HOXB4: variants seen among roughly 807,000 people sequenced by gnomAD.
HOXB4 encodes the protein homeobox protein Hox-B4.
A neutral mutation model predicts 20.0 loss-of-function variants in HOXB4; 13 were observed. The ratio of observed to expected loss-of-function variants is 0.65; its 90% CI spans 0.42 to 1.03. The LOEUF (loss-of-function observed/expected upper bound fraction) is 1.03, where lower values mean the gene tolerates loss of function less well. Among genes scored for constraint, HOXB4 ranks in the 50% least tolerant of loss-of-function variants. The pLI, the probability that HOXB4 is intolerant of heterozygous loss-of-function variation, is 0.00. For missense variants in HOXB4, 343 were observed against 357.1 expected (o/e 0.96, Z 0.32); for synonymous variants, 173 against 148.9 (o/e 1.16, Z -1.18).
At chr17:48,577,544 C>T (rs1346929946) in intron 1 of HOXB4, among the ~76,000 whole-genome samples, 1 of 152,180 alleles carries the variant, frequency 6.6e-6, no homozygotes, top group East Asian at 1.9e-4. Flanking sequence ...TCCTCCTTCT[C>T]CTCCTCCACC....
In HOXB4 at chr17:48,578,154, G is replaced by A. The variant is rs763612698; in HGVS notation, c.166C>T (p.Arg56Trp). ...SSFQPEAGFG[R>W]RAACTVQRYA... ...CGCTGCACGGTGCACGCCGCGCGCC[G>A]CCCGAAGCCCGCCTCCGGCTGGAAG... Residue 56 changes from arginine (R) to tryptophan (W), a missense_variant, in exon 1 of 2, where the codon CGG becomes TGG. Coordinates refer to ENST00000332503, the MANE Select transcript of HOXB4 (RefSeq NM_024015.5). The A allele has an allele frequency of 6.3e-7, 1 of 1,593,844 alleles. No homozygotes were observed. The highest frequency in any genetic ancestry group is 1.1e-5 in the South Asian group (1 of 89,472).
chr17:48,575,970 T>C lies in HOXB4; in HGVS notation c.*752A>G, dbSNP rs6504397. 144,284 of 152,222 alleles carry C rather than the reference T, an allele frequency of 0.95. 68,845 individuals carry two copies. Among genetic ancestry groups the C allele is most frequent in the East Asian group, 1 (5,159 of 5,160 alleles). The allele number at this position is 152,222 out of a possible 1,614,324, so 9.4% of individuals were successfully genotyped here. ...CTCTCTTTTTCCTTGGACTCAATTT[T>C]CCTGCTCACTCCTGAGTTGTCAAGG... On this transcript the variant is annotated 3_prime_UTR_variant, in exon 2 of 2. Transcript: ENST00000332503.
chr17:48,577,339 G>T lies in HOXB4; in HGVS notation c.458-319C>A, dbSNP rs2069799180. ...GGCCCCCAGAATGGGAGAATGAGGGGGTGGAAGAGGGAGGGGAGGTTTCCC... is the reference window on the plus strand; with the variant it reads ...GGCCCCCAGAATGGGAGAATGAGGGTGTGGAAGAGGGAGGGGAGGTTTCCC... On this transcript the variant is annotated intron_variant, in intron 1 of 1. Transcript: ENST00000332503. Among the ~76,000 whole-genome samples the T allele has an allele frequency of 2.0e-5, 3 of 152,156 alleles. No individual in the cohort carries two copies. In the South Asian group the frequency reaches 6.2e-4, roughly 32 times the overall value.
chr17:48,576,793 G>T lies in HOXB4; in HGVS notation c.685C>A (p.Arg229Ser). 1 of 1,614,202 alleles carries T rather than the reference G, an allele frequency of 6.2e-7. No homozygotes were observed. The highest frequency in any genetic ancestry group is 8.5e-7 in the Non-Finnish European group (1 of 1,180,022). ...KDHKLPNTKI[R>S]SGGAAGSAGG... Reference sequence around the variant, plus strand: ...GCTGAGCCTGCCGCACCACCCGAGCGGATCTTGGTGTTGGGCAACTTGTGG... The same window carrying T: ...GCTGAGCCTGCCGCACCACCCGAGCTGATCTTGGTGTTGGGCAACTTGTGG... Residue 229 changes from arginine to serine, a missense_variant, in exon 2 of 2, where the codon CGC (arginine) becomes AGC (serine). Coordinates refer to ENST00000332503, the MANE Select transcript of HOXB4 (RefSeq NM_024015.5).
chr17:48,577,849 G>C lies in HOXB4; in HGVS notation c.457+14C>G, dbSNP rs746115572. The C allele has an allele frequency of 6.4e-6, 9 of 1,400,142 alleles. No homozygotes were observed. The highest frequency in any genetic ancestry group is 1.9e-4 in the Middle Eastern group (1 of 5,324). The allele number at this position is 1,400,142 out of a possible 1,614,324, so 86.7% of individuals were successfully genotyped here. A position where few individuals can be genotyped will look rare whatever the true frequency, so the allele number is the denominator to read the frequency against. ...TCCAGGGGTGGGAGGGGGAAGGGGT[G>C]CCCACGCACTCACCCGTGCTCACGT... On this transcript the variant is annotated intron_variant, in intron 1 of 1. Transcript: ENST00000332503.
intron 1 of HOXB4, 110 bp downstream of exon 1, chr17:48,577,753 G>T: frequency 1.0e-6 from 1 of 977,104 alleles, no homozygotes; most frequent in Non-Finnish European, 1.3e-6. Flanking sequence ...CGAGTTTATA[G>T]CGGGGACAAT....
At chr17:48,577,543 T>TCCTCCTCCA (rs764853200) in intron 1 of HOXB4, among the ~76,000 whole-genome samples, 1 of 152,120 alleles carries the variant, frequency 6.6e-6, no homozygotes, top group African/African-American at 2.4e-5. Context: ...CTCCTCCTTC[T>TCCTCCTCCA]CCTCCTCCAC....
Position 48,576,650 on chromosome 17 carries a change from T to TCC in HOXB4, c.*70_*71dup. 4 of 567,758 alleles carry TCC rather than the reference T, an allele frequency of 7.0e-6. No homozygotes were observed. Among genetic ancestry groups the TCC allele is most frequent in the Non-Finnish European group, 7.8e-6 (3 of 383,206 alleles). 35.2% of individuals were successfully genotyped at this position (567,758 alleles called of 1,614,324 possible). A position where few individuals can be genotyped will look rare whatever the true frequency, so the allele number is the denominator to read the frequency against. ...GCCCAGGCCCCAGGGCCCCCTCCTG[T>TCC]CCCCCCACCCCATCCCCTGCACTCA... On this transcript the variant is annotated 3_prime_UTR_variant, in exon 2 of 2. Transcript: ENST00000332503.
In HOXB4 at chr17:48,578,257, C is replaced by T; in HGVS notation, c.63G>A (p.Glu21=). The change falls in exon 1 of 2, where the codon GAG becomes GAA. Residue 21 remains glutamate, a synonymous_variant. Transcript: ENST00000332503. ...NYVDPKFPPC[E]EYSQSDYLPS... is the part of the protein sequence containing the mutation. The stretch of plus-strand genomic sequence containing the variant: ...GTAGGTAATCGCTCTGTGAATATTC[C>T]TCGCATGGAGGGAACTTGGGGTCGA... The T allele has an allele frequency of 6.2e-7, 1 of 1,614,052 alleles. No individual in the cohort carries two copies. Among genetic ancestry groups the T allele is most frequent in the South Asian group, 1.1e-5 (1 of 91,080 alleles).
At position 48,578,214 on chromosome 17, in the gene HOXB4, C is replaced by T. The variant is rs1455131343; in HGVS notation, c.106G>A (p.Gly36Arg). 3.1e-6 allele frequency: 5 copies of T among 1,613,724 alleles called. No individual in the cohort carries two copies. Among genetic ancestry groups the T allele is most frequent in the Non-Finnish European group, 2.5e-6 (3 of 1,179,914 alleles). Residue 36 changes from glycine to arginine, a missense_variant, in exon 1 of 2, where the codon GGG becomes AGG. This residue lies in a region of HOXB4 where 241 missense variants were observed against 222.0 expected (regional missense o/e 1.09). Transcript: ENST00000332503. The part of the protein sequence containing the change: ...SDYLPSDHSP[G>R]YYAGGQRRES... ...CGCCTCTGGCCGCCGGCGTAGTACC[C>T]GGGCGAGTGGTCGCTGGGTAGGTAA...
Position 48,576,887 on chromosome 17 carries a change from G to T in HOXB4, c.591C>A (p.His197Gln). 2 of 1,614,242 alleles carry T rather than the reference G, an allele frequency of 1.2e-6. No homozygotes were observed. Among genetic ancestry groups the T allele is most frequent in the Non-Finnish European group, 8.5e-7 (1 of 1,180,046 alleles). Reference protein sequence around the residue: ...LTRRRRVEIAHALCLSERQIK... With the variant: ...LTRRRRVEIAQALCLSERQIK... ...TCTGGCGCTCGGAGAGGCAGAGCGCGTGGGCGATCTCCACCCTCCGGCGCC... is the reference window on the plus strand; with the variant it reads ...TCTGGCGCTCGGAGAGGCAGAGCGCTTGGGCGATCTCCACCCTCCGGCGCC... The change falls in exon 2 of 2, where the codon CAC becomes CAA. Residue 197 changes from histidine (H) to glutamine (Q), a missense_variant. Physicochemically the swap from His to Gln is conservative, Grantham distance 24 (BLOSUM62 0). This residue lies in a region of HOXB4 where 54 missense variants were observed against 90.3 expected (regional missense o/e 0.60). Transcript: ENST00000332503.
Position 48,578,181 on chromosome 17 carries a change from T to G in HOXB4, c.139A>C (p.Ser47Arg). The G allele has an allele frequency of 5.0e-6, 8 of 1,611,944 alleles. No individual in the cohort carries two copies. The highest frequency in any genetic ancestry group is 6.8e-6 in the Non-Finnish European group (8 of 1,178,976). Reference protein sequence around the residue: ...YYAGGQRRESSFQPEAGFGRR... With the variant: ...YYAGGQRRESRFQPEAGFGRR... ...CCGAAGCCCGCCTCCGGCTGGAAGC[T>G]GCTCTCTCGCCTCTGGCCGCCGGCG... Residue 47 changes from serine to arginine, a missense_variant, in exon 1 of 2, where the codon AGC becomes CGC. Physicochemically the swap from Ser to Arg is moderately radical, Grantham distance 110 (BLOSUM62 -1). Transcript: ENST00000332503.
At position 48,578,185 on chromosome 17, in the gene HOXB4, C is replaced by G; in HGVS notation, c.135G>C (p.Glu45Asp). Residue 45 changes from glutamate (E) to aspartate (D), a missense_variant, in exon 1 of 2, where the codon GAG (glutamate) becomes GAC (aspartate). Glu to Asp is a conservative substitution (Grantham distance 45, BLOSUM62 2). This residue lies in a region of HOXB4 where 241 missense variants were observed against 222.0 expected (regional missense o/e 1.09). Coordinates refer to ENST00000332503, the MANE Select transcript of HOXB4 (RefSeq NM_024015.5). ...PGYYAGGQRR[E>D]SSFQPEAGFG... ...AGCCCGCCTCCGGCTGGAAGCTGCTCTCTCGCCTCTGGCCGCCGGCGTAGT... is the reference window on the plus strand; with the variant it reads ...AGCCCGCCTCCGGCTGGAAGCTGCTGTCTCGCCTCTGGCCGCCGGCGTAGT... The G allele has an allele frequency of 6.2e-7, 1 of 1,612,544 alleles. No homozygotes were observed. Among genetic ancestry groups the G allele is most frequent in the East Asian group, 2.2e-5 (1 of 44,836 alleles).
chr17:48,578,272 C>A lies in HOXB4; in HGVS notation c.48G>T (p.Lys16Asn). 6.2e-7 allele frequency: 1 copy of A among 1,613,808 alleles called. No homozygotes were observed. The highest frequency in any genetic ancestry group is 8.5e-7 in the Non-Finnish European group (1 of 1,179,818). Residue 16 changes from lysine to asparagine, a missense_variant, in exon 1 of 2, where the codon AAG becomes AAT. Lys to Asn is a moderately conservative substitution (Grantham distance 94). Transcript: ENST00000332503. Reference protein sequence around the residue: ...FLINSNYVDPKFPPCEEYSQS... With the variant: ...FLINSNYVDPNFPPCEEYSQS... ...GTGAATATTCCTCGCATGGAGGGAACTTGGGGTCGACATAGTTTGAGTTGA... is the reference window on the plus strand; with the variant it reads ...GTGAATATTCCTCGCATGGAGGGAAATTGGGGTCGACATAGTTTGAGTTGA...
At position 48,576,789 on chromosome 17, in the gene HOXB4, G is replaced by C; in HGVS notation, c.689C>G (p.Ser230Trp). 3 of 1,614,074 alleles carry C rather than the reference G, an allele frequency of 1.9e-6. No homozygotes were observed. Among genetic ancestry groups the C allele is most frequent in the Non-Finnish European group, 2.5e-6 (3 of 1,179,974 alleles). Reference sequence around the variant, plus strand: ...TCCGGCTGAGCCTGCCGCACCACCCGAGCGGATCTTGGTGTTGGGCAACTT... The same window carrying C: ...TCCGGCTGAGCCTGCCGCACCACCCCAGCGGATCTTGGTGTTGGGCAACTT... ...DHKLPNTKIRSGGAAGSAGGP... is the reference protein window; with the variant it reads ...DHKLPNTKIRWGGAAGSAGGP... Residue 230 changes from serine to tryptophan, a missense_variant, in exon 2 of 2, where the codon TCG becomes TGG. By Grantham distance (177) the Ser-to-Trp change is radical (BLOSUM62 -3). Around this residue, in one of 3 missense-constraint regions of HOXB4, gnomAD observed 48 missense variants for 44.8 expected, o/e 1.07. Coordinates refer to ENST00000332503, the MANE Select transcript of HOXB4 (RefSeq NM_024015.5).
chr17:48,576,959 C>T lies in HOXB4; in HGVS notation c.519G>A (p.Gln173=). ...KRSRTAYTRQ[Q]VLELEKEFHY... Reference sequence around the variant, plus strand: ...GAAATTCCTTCTCCAGCTCCAAGACCTGCTGGCGCGTGTAGGCGGTCCGAG... The same window carrying T: ...GAAATTCCTTCTCCAGCTCCAAGACTTGCTGGCGCGTGTAGGCGGTCCGAG... Residue 173 remains glutamine (Q), a synonymous_variant, in exon 2 of 2, where the codon CAG becomes CAA. Coordinates refer to ENST00000332503, the MANE Select transcript of HOXB4 (RefSeq NM_024015.5). 3.1e-6 allele frequency: 5 copies of T among 1,613,968 alleles called. No homozygotes were observed. Among genetic ancestry groups the T allele is most frequent in the Non-Finnish European group, 4.2e-6 (5 of 1,179,854 alleles).
intron 1 of HOXB4, 82 bp downstream of exon 1, chr17:48,577,781 C>T: frequency 4.3e-6 from 4 of 928,034 alleles, no homozygotes; most frequent in Non-Finnish European, 5.5e-6. Flanking sequence ...CCCAGCTCAA[C>T]CCCCCCCCAA....
chr17:48,576,621 C>T lies in HOXB4; in HGVS notation c.*101G>A, dbSNP rs1224502207. On this transcript the variant is annotated 3_prime_UTR_variant, in exon 2 of 2. Coordinates refer to ENST00000332503, the MANE Select transcript of HOXB4 (RefSeq NM_024015.5). Reference sequence around the variant, plus strand: ...GTGGGGGAGGGCAGATAGATTTTTCCGGGGCCCAGGCCCCAGGGCCCCCTC... The same window carrying T: ...GTGGGGGAGGGCAGATAGATTTTTCTGGGGCCCAGGCCCCAGGGCCCCCTC... 65 of 1,114,964 alleles carry T rather than the reference C, an allele frequency of 5.8e-5. 1 individual carries two copies. The highest frequency in any genetic ancestry group is 7.4e-5 in the Non-Finnish European group (60 of 809,566). The allele number at this position is 1,114,964 out of a possible 1,614,324, so 69.1% of individuals were successfully genotyped here.
At position 48,577,919 on chromosome 17, in the gene HOXB4, G is replaced by C. The variant is rs2069819265; in HGVS notation, c.401C>G (p.Ser134Cys). Residue 134 changes from serine to cysteine, a missense_variant, in exon 1 of 2, where the codon TCC (serine) becomes TGC (cysteine). By Grantham distance (112) the Ser-to-Cys change is moderately radical (BLOSUM62 -1). Coordinates refer to ENST00000332503, the MANE Select transcript of HOXB4 (RefSeq NM_024015.5). ...GTAGACGACGGGCTCTTTGCACGCG[G>C]AGTGGGACGGGCTGGGGTGCAGGGG... is the stretch of plus-strand genomic sequence containing the variant. Reference protein sequence around the residue: ...QNPLHPSPSHSACKEPVVYPW... With the variant: ...QNPLHPSPSHCACKEPVVYPW... 3.6e-6 allele frequency: 5 copies of C among 1,373,966 alleles called. No individual in the cohort carries two copies. Among genetic ancestry groups the C allele is most frequent in the Admixed American group, 6.0e-5 (2 of 33,600 alleles). 85.1% of individuals were successfully genotyped at this position (1,373,966 alleles called of 1,614,324 possible). A position where few individuals can be genotyped will look rare whatever the true frequency, so the allele number is the denominator to read the frequency against.
Sources: gnomAD v4.1 joint callset for allele counts (sites outside exome capture counted in the v4.1 genomes callset) on GRCh38, gnomAD v4.1.1 for gene constraint, gnomAD v4.1.1 regional missense constraint, MANE v1.5 for transcripts, NCBI Gene and HGNC (gene_info 2026-07-23, HGNC 2026-07-21) for gene names.